Variants in CLSTN3 observed in about 807,000 individuals in gnomAD.
CLSTN3 encodes calsyntenin 3, also known as calsyntenin-3.
A neutral mutation model predicts 95.9 loss-of-function variants in CLSTN3; 36 were observed. That is an observed-to-expected ratio of 0.38 (90% confidence interval 0.29 to 0.50). CLSTN3 has a LOEUF of 0.50. Ranked by LOEUF, CLSTN3 falls within the 20% of genes least tolerant of loss-of-function variation. The pLI, the probability that CLSTN3 is intolerant of heterozygous loss-of-function variation, is 0.95. For synonymous variants in CLSTN3, 481 were observed against 504.0 expected (o/e 0.95, Z 0.61); for missense variants, 1,084 against 1,268.8 (o/e 0.85, Z 2.21).
In CLSTN3 at chr12:7,149,631, CA is replaced by C; in HGVS notation, c.2185del (p.Thr729ProfsTer32). 6.2e-7 allele frequency: 1 copy of C among 1,614,212 alleles called. No homozygotes were observed. Among genetic ancestry groups the C allele is most frequent in the Non-Finnish European group, 8.5e-7 (1 of 1,180,034 alleles). ...GAGCGGGAAAGCCTGCTCCTGGACA[CA>C]ACCTCTCTGCAGCAGCGGGGGCTGG... is the stretch of plus-strand genomic sequence containing the variant. ...DPERESLLLD[T>X]TSLQQRGLEL... On this transcript the variant is annotated frameshift_variant, in exon 14 of 18. Coordinates refer to ENST00000266546, the MANE Select transcript of CLSTN3 (RefSeq NM_014718.4). LOFTEE classifies it high-confidence loss of function. This position sits in a 1 kb window ranked among gnomAD's most constrained non-coding sequence, Gnocchi z 4.5.
intron 16 of CLSTN3, among the ~76,000 whole-genome samples, chr12:7,151,513 T>C (rs779487670): frequency 6.6e-6 from 1 of 152,276 alleles, no homozygotes; most frequent in African/African-American, 2.4e-5. Context: ...AAGGAGAGAA[T>C]TGGTACTATT....
chr12:7,148,206 A>G (rs1035117015), intron 12 of CLSTN3, among the ~76,000 whole-genome samples: 3 of 140,840 alleles, frequency 2.1e-5, no homozygotes, highest in Non-Finnish European at 4.7e-5. Flanking sequence ...GAAAGAAAGA[A>G]AGAAAGAAAT....
intron 4 of CLSTN3, 33 bp downstream of exon 4, chr12:7,135,568 G>A (rs747634878): frequency 6.2e-7 from 1 of 1,606,796 alleles, no homozygotes; most frequent in Non-Finnish European, 8.5e-7. Context: ...TGGCCACCCA[G>A]TTCCCCTTGA....
rs768487238 is a variant in CLSTN3 at position 7,137,795 on chromosome 12, T to TGTGTGTGAGA, written c.1211-159_1211-158insTGTGTGAGAG. 0.011 allele frequency among the ~76,000 whole-genome samples: 810 copies of TGTGTGTGAGA among 70,646 alleles called. 14 individuals carry two copies. The highest frequency in any genetic ancestry group is 0.024 in the East Asian group (45 of 1,878). 46.3% of individuals were successfully genotyped at this position (70,646 alleles called of 152,430 possible). On this transcript the variant is annotated intron_variant, in intron 7 of 17. Transcript: ENST00000266546. This position sits in a 1 kb window ranked among gnomAD's most constrained non-coding sequence, Gnocchi z 4.4. ...GTGTGTGTGTGTGTGTGTGTGTGTG[T>TGTGTGTGAGA]GAGAGAGAGAGAGAGAGAGAGAGAG...
In CLSTN3 at chr12:7,136,899, G is replaced by A. The variant is rs370885083; in HGVS notation, c.999G>A (p.Ser333=). Reference sequence around the variant, plus strand: ...ATGCCAACTGGACAGCAGGACTCTCGGTGCACTACAGCCAGGACAGCAGCC... The same window carrying A: ...ATGCCAACTGGACAGCAGGACTCTCAGTGCACTACAGCCAGGACAGCAGCC... ...GPNANWTAGL[S]VHYSQDSSLI... The change falls in exon 7 of 18, where the codon TCG becomes TCA. Residue 333 remains serine (S), a synonymous_variant. Coordinates refer to ENST00000266546, the MANE Select transcript of CLSTN3 (RefSeq NM_014718.4). 4.0e-5 allele frequency: 64 copies of A among 1,614,016 alleles called. No homozygotes were observed. The highest frequency in any genetic ancestry group is 4.9e-5 in the Non-Finnish European group (58 of 1,180,028).
intron 8 of CLSTN3, among the ~76,000 whole-genome samples, chr12:7,138,273 T>TAAAAAAAAAA (rs1032125660): frequency 6.8e-6 from 1 of 147,984 alleles, no homozygotes; most frequent in African/African-American, 2.5e-5. Flanking sequence ...CTTCTGGATT[T>TAAAAAAAAAA]AAAAAAAAAA....
At chr12:7,151,650 G>A (rs764455211) in intron 16 of CLSTN3, among the ~76,000 whole-genome samples, 4 of 152,174 alleles carry the variant, frequency 2.6e-5, no homozygotes, top group South Asian at 2.1e-4. Context: ...CAACCTGGCC[G>A]TGGTCCCAAA....
At chr12:7,129,725 C>T (rs1939242178), upstream of CLSTN3, 12 of 985,488 alleles carry the variant, frequency 1.2e-5, no homozygotes, top group Non-Finnish European at 1.2e-5. The surrounding 1 kb of genome is among the most constrained non-coding windows in gnomAD (Gnocchi z 5.5). Flanking sequence ...GCCATCGTCC[C>T]GGGCTTCAGA....
Position 7,141,269 on chromosome 12 carries a change from G to T in CLSTN3, c.1351G>T (p.Ala451Ser). The T allele has an allele frequency of 1.9e-6, 3 of 1,614,080 alleles. No individual in the cohort carries two copies. Among genetic ancestry groups the T allele is most frequent in the South Asian group, 1.1e-5 (1 of 91,064 alleles). The change falls in exon 9 of 18, where the codon GCT (alanine) becomes TCT (serine). Residue 451 changes from alanine (A) to serine (S), a missense_variant. Coordinates refer to ENST00000266546, the MANE Select transcript of CLSTN3 (RefSeq NM_014718.4). The surrounding 1 kb of genome is among the most constrained non-coding windows in gnomAD (Gnocchi z 4.1). ...QVCDDEWHHY[A>S]LNLEFPTVTL... ...CTGTGATGATGAGTGGCACCACTAC[G>T]CTCTGAACCTCGAGTTCCCCACAGT...
In CLSTN3 at chr12:7,157,522, T is replaced by G; in HGVS notation, c.2561T>G (p.Val854Gly). The G allele has an allele frequency of 6.2e-7, 1 of 1,604,740 alleles. No homozygotes were observed. Among genetic ancestry groups the G allele is most frequent in the Non-Finnish European group, 8.5e-7 (1 of 1,175,144 alleles). ...AGCGCCGCAACCCTCATCATTGTGGTGTGCGTGGGCTTCCTGGTGCTCATG... is the reference window on the plus strand; with the variant it reads ...AGCGCCGCAACCCTCATCATTGTGGGGTGCGTGGGCTTCCTGGTGCTCATG... ...IPSAATLIIV[V>G]CVGFLVLMVV... Residue 854 changes from valine to glycine, a missense_variant, in exon 17 of 18, where the codon GTG (valine) becomes GGG (glycine). By Grantham distance (109) the Val-to-Gly change is moderately radical. Coordinates refer to ENST00000266546, the MANE Select transcript of CLSTN3 (RefSeq NM_014718.4). The surrounding 1 kb of genome is among the most constrained non-coding windows in gnomAD (Gnocchi z 5.9).
intron 8 of CLSTN3, among the ~76,000 whole-genome samples, chr12:7,139,805 C>T (rs11054734): frequency 0.38 from 57,390 of 151,904 alleles, 12,132 homozygotes; most frequent in Admixed American, 0.5. Flanking sequence ...TGTGCCACCA[C>T]GCCCAGCTAA....
intron 12 of CLSTN3, among the ~76,000 whole-genome samples, chr12:7,145,561 GTTT>G (rs112890190): frequency 7.0e-6 from 1 of 142,260 alleles, no homozygotes. Context: ...TTTTCCTGAA[GTTT>G]TTTTTTTTTT....
At chr12:7,151,141 A>C in intron 16 of CLSTN3, 78 bp downstream of exon 16, 1 of 1,421,804 alleles carries the variant, frequency 7.0e-7, no homozygotes. Context: ...CTCCCCCTCC[A>C]CCTCTGGGAG....
At chr12:7,147,547 T>C (rs1303825552) in intron 12 of CLSTN3, among the ~76,000 whole-genome samples, 1 of 146,638 alleles carries the variant, frequency 6.8e-6, no homozygotes, top group Non-Finnish European at 1.5e-5. Context: ...GGTCTCACTC[T>C]GTCGCCCAGG....
chr12:7,132,758 C>T (rs1286567093), intron 1 of CLSTN3: 2 of 597,840 alleles, frequency 3.3e-6, no homozygotes, highest in East Asian at 5.5e-5. Context: ...AGATAGTGAT[C>T]CCCTCCTCTT....
intron 16 of CLSTN3, among the ~76,000 whole-genome samples, chr12:7,154,209 A>G (rs1362253243): frequency 6.6e-6 from 1 of 152,180 alleles, no homozygotes; most frequent in Non-Finnish European, 1.5e-5. Flanking sequence ...CCTTTCACCT[A>G]CAAATCTCGA....
intron 12 of CLSTN3, among the ~76,000 whole-genome samples, chr12:7,147,124 C>T (rs1939633088): frequency 6.6e-6 from 1 of 152,042 alleles, no homozygotes; most frequent in African/African-American, 2.4e-5. Flanking sequence ...AGTCCATGCT[C>T]CTGGATCACT....
In CLSTN3 at chr12:7,135,518, T is replaced by G; in HGVS notation, c.575T>G (p.Phe192Cys). The G allele has an allele frequency of 6.2e-7, 1 of 1,614,084 alleles. No individual in the cohort carries two copies. The highest frequency in any genetic ancestry group is 8.5e-7 in the Non-Finnish European group (1 of 1,179,996). ...YYEILTPNTP[F>C]LIDNDGNIEN... ...GAGATTCTCACACCCAACACCCCTT[T>G]CCTCATTGACAATGACGGTGAGTCC... The change falls in exon 4 of 18, where the codon TTC becomes TGC. Residue 192 changes from phenylalanine (F) to cysteine (C), a missense_variant. Coordinates refer to ENST00000266546, the MANE Select transcript of CLSTN3 (RefSeq NM_014718.4).
At position 7,150,683 on chromosome 12, in the gene CLSTN3, C is replaced by T. The variant is rs760858362; in HGVS notation, c.2385C>T (p.Ile795=). 1.1e-5 allele frequency: 17 copies of T among 1,613,484 alleles called. No homozygotes were observed. Among genetic ancestry groups the T allele is most frequent in the South Asian group, 2.2e-5 (2 of 91,066 alleles). ...GCCGTTACTCCAGCAATGAATTCAT[C>T]GTGGAGGTACCCAGAGAGTCTCCTT... is the stretch of plus-strand genomic sequence containing the variant. The part of the protein sequence containing the change: ...MNGRYSSNEF[I]VEVNVLHSMN... Residue 795 remains isoleucine, a synonymous_variant, in exon 15 of 18, where the codon ATC becomes ATT. Transcript: ENST00000266546. The surrounding 1 kb of genome is among the most constrained non-coding windows in gnomAD (Gnocchi z 4.0).
Sources: gnomAD v4.1 joint callset for allele counts (sites outside exome capture counted in the v4.1 genomes callset) on GRCh38, gnomAD v4.1.1 for gene constraint, Gnocchi (gnomAD v3.1) non-coding constraint, MANE v1.5 for transcripts, NCBI Gene and HGNC (gene_info 2026-07-23, HGNC 2026-07-21) for gene names.